ZSCAN32: variants seen among roughly 807,000 people sequenced by gnomAD.
ZSCAN32 encodes zinc finger and SCAN domain containing 32, also known as zinc finger and SCAN domain-containing protein 32.
In ZSCAN32, 52 loss-of-function variants were observed where a neutral mutation model predicts 47.4. That is an observed-to-expected ratio of 1.10 (90% CI 0.88 to 1.38). The LOEUF (loss-of-function observed/expected upper bound fraction) is 1.38. ZSCAN32 is among the 40% of genes most tolerant of loss of function. The pLI is 0.00. For synonymous variants in ZSCAN32, 346 were observed against 305.7 expected, an observed-to-expected ratio of 1.13 and a Z score of -1.38; for missense variants, 959 against 846.0, an observed-to-expected ratio of 1.13 and a Z score of -1.66.
intron 2 of ZSCAN32, among the ~76,000 whole-genome samples, chr16:3,395,023 T>A (rs1170806640): frequency 1.3e-5 from 2 of 152,246 alleles, no homozygotes; most frequent in East Asian, 1.9e-4. Context: ...TACTTTTGAT[T>A]TATGATTGTC....
chr16:3,388,345 G>A (rs558023559), intron 5 of ZSCAN32, among the ~76,000 whole-genome samples: 1 of 152,278 alleles, frequency 6.6e-6, no homozygotes, highest in South Asian at 2.1e-4. Flanking sequence ...CCTTCAGCAA[G>A]TCTTTTCAAA....
chr16:3,384,703 G>A lies in ZSCAN32; in HGVS notation c.990C>T (p.Ile330=), dbSNP rs1213370180. 1 of 1,614,192 alleles carries A rather than the reference G, an allele frequency of 6.2e-7. No individual in the cohort carries two copies. The stretch of plus-strand genomic sequence containing the variant: ...AAAGAGCATTCATTTCCTCATAAAA[G>A]ATACAAGGCTCAGGCACACGGCCTC... The part of the protein sequence containing the change: ...VRRGRVPEPC[I]FYEEMNALSG... Residue 330 remains isoleucine, a synonymous_variant, in exon 6 of 7, where the codon ATC becomes ATT. Transcript: ENST00000396852.
chr16:3,398,624 G>C (rs866968414), intron 1 of ZSCAN32, among the ~76,000 whole-genome samples: 3 of 152,164 alleles, frequency 2.0e-5, no homozygotes, highest in African/African-American at 7.2e-5. Context: ...AAGATTCTGT[G>C]TCTGCTGACG....
At position 3,383,011 on chromosome 16, in the gene ZSCAN32, G is replaced by A. The variant is rs145841433; in HGVS notation, c.1935C>T (p.Ser645=). The change falls in exon 7 of 7, where the codon AGC becomes AGT. Residue 645 remains serine, a synonymous_variant. Coordinates refer to ENST00000396852, the MANE Select transcript of ZSCAN32 (RefSeq NM_001284527.2). ...TTTTTCGGTGGGCACTGAAGTGGGA[G>A]CTATTGTTGAAGATTTTCCCACACA... is the stretch of plus-strand genomic sequence containing the variant. ...CAVCGKIFNN[S]SHFSAHRKTH... 6.4e-5 allele frequency: 103 copies of A among 1,614,036 alleles called. No individual in the cohort carries two copies. Among genetic ancestry groups the A allele is most frequent in the Middle Eastern group, 3.3e-4 (2 of 6,062 alleles).
At chr16:3,399,531 G>C (rs931617335) in intron 1 of ZSCAN32, among the ~76,000 whole-genome samples, 1 of 152,038 alleles carries the variant, frequency 6.6e-6, no homozygotes, top group African/African-American at 2.4e-5. Flanking sequence ...GTTTATGTAA[G>C]GCAATATTTT....
At chr16:3,399,158 G>C (rs956152733) in intron 1 of ZSCAN32, among the ~76,000 whole-genome samples, 5 of 152,188 alleles carry the variant, frequency 3.3e-5, no homozygotes, top group Admixed American at 1.3e-4. Context: ...GGGAGGCGGA[G>C]GTTGCAGTGA....
intron 2 of ZSCAN32, among the ~76,000 whole-genome samples, chr16:3,396,188 C>T (rs2033354657): frequency 6.6e-6 from 1 of 152,162 alleles, no homozygotes; most frequent in African/African-American, 2.4e-5. Flanking sequence ...CTGCACCTCT[C>T]CATTCAATCT....
At chr16:3,400,250 C>T (rs1019252656) in intron 1 of ZSCAN32, among the ~76,000 whole-genome samples, 4 of 152,130 alleles carry the variant, frequency 2.6e-5, no homozygotes, top group East Asian at 1.9e-4. Flanking sequence ...TTATTGTTAG[C>T]ACTGCTTTCT....
At chr16:3,384,039 T>G (rs2031615814) in intron 6 of ZSCAN32, 1 of 434,062 alleles carries the variant, frequency 2.3e-6, no homozygotes, top group Non-Finnish European at 4.1e-6. Flanking sequence ...ATGTTCTAAC[T>G]TCTAGCAGCA....
chr16:3,394,295 T>G (rs2033158222), intron 2 of ZSCAN32, among the ~76,000 whole-genome samples: 1 of 152,048 alleles, frequency 6.6e-6, no homozygotes, highest in African/African-American at 2.4e-5. Flanking sequence ...TTGAAGTGGT[T>G]AAGATTATTT....
chr16:3,392,877 A>G (rs145721170), intron 3 of ZSCAN32, among the ~76,000 whole-genome samples: 23 of 151,654 alleles, frequency 1.5e-4, no homozygotes, highest in African/African-American at 5.6e-4. Flanking sequence ...ACAAGTAAAA[A>G]CAAAAAATAG....
chr16:3,382,969 C>G lies in ZSCAN32; in HGVS notation c.1977G>C (p.Lys659Asn), dbSNP rs771695392. The G allele has an allele frequency of 5.6e-6, 9 of 1,614,130 alleles. No homozygotes were observed. The highest frequency in any genetic ancestry group is 5.9e-6 in the Non-Finnish European group (7 of 1,180,004). Residue 659 changes from lysine to asparagine, a missense_variant, in exon 7 of 7, where the codon AAG becomes AAC. By Grantham distance (94) the Lys-to-Asn change is moderately conservative (BLOSUM62 0). Coordinates refer to ENST00000396852, the MANE Select transcript of ZSCAN32 (RefSeq NM_001284527.2). Reference protein sequence around the residue: ...SAHRKTHTGEKPYRCSHCERG... With the variant: ...SAHRKTHTGENPYRCSHCERG... Reference sequence around the variant, plus strand: ...TCTCACAGTGAGAACACCTGTAAGGCTTTTCACCAGTGTGGGTTTTTCGGT... The same window carrying G: ...TCTCACAGTGAGAACACCTGTAAGGGTTTTCACCAGTGTGGGTTTTTCGGT...
chr16:3,390,498 A>C lies in ZSCAN32; in HGVS notation c.552T>G (p.Ala184=). The C allele has an allele frequency of 6.5e-7, 1 of 1,548,990 alleles. No individual in the cohort carries two copies. The highest frequency in any genetic ancestry group is 8.7e-7 in the Non-Finnish European group (1 of 1,146,928). ...CTGTGTTTTGAGGCAGGTTCCTGGG[A>C]GCCTGAGGAGCAAGCCAGGCTGGGG... ...EQSEAWLAPQ[A]PRNLPQNTGL... Residue 184 remains alanine (A), a synonymous_variant, in exon 4 of 7, where the codon GCT becomes GCG. Transcript: ENST00000396852.
chr16:3,397,541 T>C lies in ZSCAN32; in HGVS notation c.17A>G (p.Lys6Arg). 1 of 1,539,130 alleles carries C rather than the reference T, an allele frequency of 6.5e-7. No homozygotes were observed. Among genetic ancestry groups the C allele is most frequent in the Non-Finnish European group, 8.8e-7 (1 of 1,139,444 alleles). Reference protein sequence around the residue: MMAAVKSTEAHPSSNK... With the variant: MMAAVRSTEAHPSSNK... ...TGAGGATGGGTGTGCCTCGGTACTC[T>C]TCACTGCAGCCATCATTTGCTTCAA... The change falls in exon 2 of 7, where the codon AAG becomes AGG. Residue 6 changes from lysine (K) to arginine (R), a missense_variant. Physicochemically the swap from Lys to Arg is conservative, Grantham distance 26. Coordinates refer to ENST00000396852, the MANE Select transcript of ZSCAN32 (RefSeq NM_001284527.2).
rs1281633321 is a variant in ZSCAN32 at position 3,393,740 on chromosome 16, C to G, written c.441G>C (p.Leu147=). ...GAACCTCCTGTTTCCATTGGGATCT[C>G]AGTGATTCTCTGGTTGCTCCCAAAG... ...MAPLGATRES[L]RSQWKQEVQP... is the part of the protein sequence containing the mutation. The change falls in exon 3 of 7, where the codon CTG becomes CTC. Residue 147 remains leucine (L), a synonymous_variant. Coordinates refer to ENST00000396852, the MANE Select transcript of ZSCAN32 (RefSeq NM_001284527.2). 6.5e-7 allele frequency: 1 copy of G among 1,550,320 alleles called. No homozygotes were observed. Among genetic ancestry groups the G allele is most frequent in the Non-Finnish European group, 8.7e-7 (1 of 1,146,950 alleles).
intron 5 of ZSCAN32, among the ~76,000 whole-genome samples, chr16:3,388,681 C>T (rs533236153): frequency 6.6e-5 from 10 of 152,286 alleles, no homozygotes; most frequent in East Asian, 3.9e-4. Flanking sequence ...TTAAAGGATC[C>T]TCAATGGTTG....
chr16:3,392,665 A>C (rs1388332308), intron 3 of ZSCAN32, among the ~76,000 whole-genome samples: 1 of 152,092 alleles, frequency 6.6e-6, no homozygotes, highest in Non-Finnish European at 1.5e-5. Context: ...GTCTCTACTA[A>C]AAATTCAAAA....
chr16:3,384,350 A>AGAT lies in ZSCAN32; in HGVS notation c.1234+106_1234+108dup, dbSNP rs1433233002. On this transcript the variant is annotated intron_variant, in intron 6 of 6. Transcript: ENST00000396852. The stretch of plus-strand genomic sequence containing the variant: ...AAAACTTGGATAGGGTCACACATCA[A>AGAT]GATGATGATGATGCCAGGATCAGTG... 821 of 1,455,918 alleles carry AGAT rather than the reference A, an allele frequency of 5.6e-4. 10 individuals carry two copies. The highest frequency in any genetic ancestry group is 6.1e-5 in the Non-Finnish European group (65 of 1,064,822). The allele number at this position is 1,455,918 out of a possible 1,614,324, so 90.2% of individuals were successfully genotyped here. A position where few individuals can be genotyped will look rare whatever the true frequency, so the allele number is the denominator to read the frequency against.
In ZSCAN32 at chr16:3,392,316, T is replaced by C. The variant is rs186988545; in HGVS notation, c.532+1333A>G. On this transcript the variant is annotated intron_variant, in intron 3 of 6. Coordinates refer to ENST00000396852, the MANE Select transcript of ZSCAN32 (RefSeq NM_001284527.2). Reference sequence around the variant, plus strand: ...ACACTGTGAATGTACTAAGCATAACTGAATTGTTCATTGAAATGGTTAATT... The same window carrying C: ...ACACTGTGAATGTACTAAGCATAACCGAATTGTTCATTGAAATGGTTAATT... 1.3e-4 allele frequency among the ~76,000 whole-genome samples: 20 copies of C among 152,194 alleles called. No individual in the cohort carries two copies. The East Asian group carries it at 3.7e-3, about 28-fold the overall frequency.
Sources: gnomAD v4.1 joint callset for allele counts (sites outside exome capture counted in the v4.1 genomes callset) on GRCh38, gnomAD v4.1.1 for gene constraint, MANE v1.5 for transcripts, NCBI Gene and HGNC (gene_info 2026-07-23, HGNC 2026-07-21) for gene names.